The following TRAF1 variants were observed in gnomAD, a reference collection of about 807,000 sequenced individuals.
TRAF1 encodes TNF receptor-associated factor 1.
TRAF1 carries 23 observed loss-of-function variants against 40.9 expected under a neutral mutation model. The ratio of observed to expected loss-of-function variants is 0.56; its 90% CI spans 0.40 to 0.80. The LOEUF (loss-of-function observed/expected upper bound fraction) is 0.80. Among genes scored for constraint, TRAF1 ranks in the 30% least tolerant of loss-of-function variants. TRAF1 has a pLI of 0.00. For missense variants in TRAF1, 477 were observed against 528.7 expected (o/e 0.90, Z 0.96); for synonymous variants, 206 against 218.8 (o/e 0.94, Z 0.52).
chr9:120,924,945 G>A (rs1477299815), intron 2 of TRAF1, among the ~76,000 whole-genome samples: 1 of 152,214 alleles, frequency 6.6e-6, no homozygotes, highest in Admixed American at 6.5e-5. Flanking sequence ...AGGGAGAGGG[G>A]AAACCAGGAG....
chr9:120,921,740 G>A (rs1011765746), intron 3 of TRAF1, among the ~76,000 whole-genome samples: 4 of 152,220 alleles, frequency 2.6e-5, no homozygotes, highest in Admixed American at 1.3e-4. Context: ...TGCCGATGGA[G>A]AGGTTGCTGA....
chr9:120,911,226 A>G (rs1424208789), intron 6 of TRAF1, 110 bp downstream of exon 6: 1 of 1,323,212 alleles, frequency 7.6e-7, no homozygotes, highest in African/African-American at 1.5e-5. Flanking sequence ...CACTGGCCTA[A>G]ACTGGACACA....
chr9:120,920,091 G>C (rs2046595099), intron 3 of TRAF1, among the ~76,000 whole-genome samples: 1 of 152,170 alleles, frequency 6.6e-6, no homozygotes, highest in African/African-American at 2.4e-5. Flanking sequence ...GTAAGGTTTG[G>C]GGGTTTATTC....
At chr9:120,924,759 C>G (rs530051445) in intron 2 of TRAF1, among the ~76,000 whole-genome samples, 7 of 152,212 alleles carry the variant, frequency 4.6e-5, no homozygotes, top group Non-Finnish European at 1.0e-4. Flanking sequence ...TGACCTGCTA[C>G]CGCTACCGAG....
chr9:120,911,506 T>C lies in TRAF1; in HGVS notation c.713A>G (p.Glu238Gly). Residue 238 changes from glutamate to glycine, a missense_variant, in exon 6 of 8, where the codon GAG becomes GGG. Glu to Gly is a moderately conservative substitution (Grantham distance 98). Transcript: ENST00000373887. ...RILSLEQRVV[E>G]LQQTLAQKDQ... Reference sequence around the variant, plus strand: ...TTTCTGGGCCAGGGTCTGCTGAAGCTCCACCACCTGTAGGGAAGACTGTTC... The same window carrying C: ...TTTCTGGGCCAGGGTCTGCTGAAGCCCCACCACCTGTAGGGAAGACTGTTC... The C allele has an allele frequency of 2.5e-6, 4 of 1,611,402 alleles. No homozygotes were observed. The highest frequency in any genetic ancestry group is 3.4e-6 in the Non-Finnish European group (4 of 1,178,620).
upstream of TRAF1, chr9:120,927,960 C>T (rs144691684): frequency 9.0e-3 from 1,374 of 152,482 alleles, 33 homozygotes; most frequent in Non-Finnish European, 7.9e-3. Context: ...CTCTCCCCTC[C>T]GGCCTCAATA....
intron 3 of TRAF1, among the ~76,000 whole-genome samples, chr9:120,918,145 G>A (rs191724519): frequency 2.0e-5 from 3 of 152,158 alleles, no homozygotes; most frequent in East Asian, 1.9e-4. Flanking sequence ...CCAGAACTGC[G>A]AGGAAATACA....
At chr9:120,910,622 C>A (rs1317155681) in intron 6 of TRAF1, among the ~76,000 whole-genome samples, 2 of 152,160 alleles carry the variant, frequency 1.3e-5, no homozygotes, top group Non-Finnish European at 2.9e-5. Context: ...GTCTTGAACT[C>A]CTGGCCTCAA....
At chr9:120,905,879 C>T (rs2046477217) in intron 7 of TRAF1, among the ~76,000 whole-genome samples, 1 of 152,214 alleles carries the variant, frequency 6.6e-6, no homozygotes, top group South Asian at 2.1e-4. Flanking sequence ...GAAGCATCCT[C>T]ACCCTGCACA....
intron 3 of TRAF1, among the ~76,000 whole-genome samples, chr9:120,914,794 C>T (rs1408211994): frequency 6.6e-6 from 1 of 152,202 alleles, no homozygotes; most frequent in Non-Finnish European, 1.5e-5. Flanking sequence ...TGTGTCCACT[C>T]CGCACAACTT....
intron 5 of TRAF1, among the ~76,000 whole-genome samples, chr9:120,912,566 A>C (rs996399522): frequency 1.3e-5 from 2 of 152,108 alleles, no homozygotes; most frequent in Non-Finnish European, 2.9e-5. Context: ...CTGAGGCAGG[A>C]GAATCGCTTG....
In TRAF1 at chr9:120,913,550, C is replaced by G. The variant is rs2046545997; in HGVS notation, c.483G>C (p.Glu161Asp). 2 of 1,613,438 alleles carry G rather than the reference C, an allele frequency of 1.2e-6. No individual in the cohort carries two copies. Among genetic ancestry groups the G allele is most frequent in the Non-Finnish European group, 1.7e-6 (2 of 1,179,870 alleles). ...AGCAGGGTGCCCGGTAGCAATCGACCTCCAGGTCCCCCGCCACTTCCACGG... is the reference window on the plus strand; with the variant it reads ...AGCAGGGTGCCCGGTAGCAATCGACGTCCAGGTCCCCCGCCACTTCCACGG... ...QAAVEVAGDL[E>D]VDCYRAPCSE... is the part of the protein sequence containing the mutation. The change falls in exon 5 of 8, where the codon GAG (glutamate) becomes GAC (aspartate). Residue 161 changes from glutamate (E) to aspartate (D), a missense_variant. Transcript: ENST00000373887.
intron 3 of TRAF1, among the ~76,000 whole-genome samples, chr9:120,920,048 C>T (rs893911666): frequency 3.9e-5 from 6 of 152,086 alleles, no homozygotes; most frequent in African/African-American, 1.2e-4. Flanking sequence ...AGGATCGGGG[C>T]GATTACAGAT....
Position 120,913,801 on chromosome 9 carries a change from A to G in TRAF1, c.295-63T>C, listed in dbSNP as rs900844725. The G allele has an allele frequency of 2.0e-6, 3 of 1,484,372 alleles. No individual in the cohort carries two copies. The Admixed American group carries it at 6.8e-5, about 34-fold the overall frequency. The allele number at this position is 1,484,372 out of a possible 1,614,324, so 92.0% of individuals were successfully genotyped here. On this transcript the variant is annotated intron_variant, in intron 4 of 7. Transcript: ENST00000373887. ...TGGAGTGAGGACAGGGGAGCAGTGG[A>G]GTGCCCTGCTATCAAAGGTCACCAA...
chr9:120,915,941 T>C (rs1232007771), intron 3 of TRAF1, among the ~76,000 whole-genome samples: 1 of 152,246 alleles, frequency 6.6e-6, no homozygotes, highest in Non-Finnish European at 1.5e-5. Flanking sequence ...CTTATAAAGT[T>C]ACCATACAAT....
rs752805562 is a variant in TRAF1, at chr9:120,905,199, C to T, written c.1072G>A (p.Ala358Thr). 3.8e-5 allele frequency: 62 copies of T among 1,613,468 alleles called. No homozygotes were observed. Among genetic ancestry groups the T allele is most frequent in the Non-Finnish European group, 4.8e-5 (57 of 1,179,762 alleles). ...AGGTCAGGCCGGAAGGCGTCAATGG[C>T]GTGCTCACGGTTGTTCTGGTCCAGC... ...MLLDQNNREH[A>T]IDAFRPDLSS... Residue 358 changes from alanine (A) to threonine (T), a missense_variant, in exon 8 of 8, where the codon GCC (alanine) becomes ACC (threonine). Physicochemically the swap from Ala to Thr is moderately conservative, Grantham distance 58. Coordinates refer to ENST00000373887, the MANE Select transcript of TRAF1 (RefSeq NM_005658.5).
rs764334284 is a variant in TRAF1, at chr9:120,926,122, G to A, written c.-47C>T. On this transcript the variant is annotated 5_prime_UTR_variant, in exon 2 of 8. Transcript: ENST00000373887. Reference sequence around the variant, plus strand: ...GAGGGCCTGTTTAAGTTGCTCCAGGGCAGGGGACCAGCCTTGTGGAGTCCT... The same window carrying A: ...GAGGGCCTGTTTAAGTTGCTCCAGGACAGGGGACCAGCCTTGTGGAGTCCT... 1 of 1,499,706 alleles carries A rather than the reference G, an allele frequency of 6.7e-7. No homozygotes were observed. Among genetic ancestry groups the A allele is most frequent in the Non-Finnish European group, 8.9e-7 (1 of 1,126,620 alleles). 92.9% of individuals were successfully genotyped at this position (1,499,706 alleles called of 1,614,324 possible).
At chr9:120,919,902 A>G (rs544497421) in intron 3 of TRAF1, among the ~76,000 whole-genome samples, 17 of 152,290 alleles carry the variant, frequency 1.1e-4, no homozygotes, top group Admixed American at 1.0e-3. Context: ...CCAGCTCAGG[A>G]GCCATGGGTT....
rs111482386 is a variant in TRAF1 at position 120,912,572 on chromosome 9, G to A, written c.705+756C>T. Among the ~76,000 whole-genome samples, 30 of 151,994 alleles carry A rather than the reference G, an allele frequency of 2.0e-4. No individual in the cohort carries two copies. In the East Asian group the frequency reaches 5.6e-3, roughly 28 times the overall value. On this transcript the variant is annotated intron_variant, in intron 5 of 7. Transcript: ENST00000373887. ...CTCAGGAAGCTGAGGCAGGAGAATC[G>A]CTTGAACCTGGGAGTGGAGGTTGCA...
Sources: gnomAD v4.1 joint callset for allele counts (sites outside exome capture counted in the v4.1 genomes callset) on GRCh38, gnomAD v4.1.1 for gene constraint, MANE v1.5 for transcripts, NCBI Gene and HGNC (gene_info 2026-07-23, HGNC 2026-07-21) for gene names.